The following RAPGEF1 variants were observed in gnomAD, a reference collection of about 807,000 sequenced individuals.
RAPGEF1 encodes CRK SH3-binding GNRP.
A neutral mutation model predicts 143.3 loss-of-function variants in RAPGEF1; 33 were observed. The observed-to-expected ratio is 0.23, with a 90% CI of 0.17 to 0.31. RAPGEF1 has a LOEUF of 0.31. RAPGEF1 is among the 10% of genes least tolerant of loss of function. RAPGEF1 has a pLI of 1.00. For synonymous variants in RAPGEF1, 629 were observed against 676.5 expected (o/e 0.93, Z 1.09); for missense variants, 1,199 against 1,645.4 (o/e 0.73, Z 4.69).
chr9:131,617,595 A>G (rs560448090), intron 12 of RAPGEF1, among the ~76,000 whole-genome samples: 1 of 152,222 alleles, frequency 6.6e-6, no homozygotes, highest in East Asian at 1.9e-4. Flanking sequence ...GTTAACTCTC[A>G]TGTGTAAAGT....
At chr9:131,725,640 T>G (rs1044790422) in intron 1 of RAPGEF1, among the ~76,000 whole-genome samples, 1 of 152,130 alleles carries the variant, frequency 6.6e-6, no homozygotes, top group African/African-American at 2.4e-5. Flanking sequence ...GTAGTTTTGA[T>G]TTGCACTTCC....
rs1170712423 is a variant in RAPGEF1, at chr9:131,605,128, G to C, written c.2122C>G (p.Pro708Ala). 3 of 1,363,594 alleles carry C rather than the reference G, an allele frequency of 2.2e-6. No homozygotes were observed. The highest frequency in any genetic ancestry group is 2.9e-6 in the Non-Finnish European group (3 of 1,020,456). 84.5% of individuals were successfully genotyped at this position (1,363,594 alleles called of 1,614,324 possible). ...GAGGAGGTAGGCGGAAGGAAAGGCG[G>C]AACGGAAGCTTGGTGGTGAGGCACG... ...DFVPHHQASV[P>A]PFLPPTSSSS... Residue 708 changes from proline to alanine, a missense_variant, in exon 13 of 27, where the codon CCG becomes GCG. Physicochemically the swap from Pro to Ala is conservative, Grantham distance 27 (BLOSUM62 -1). Around this residue, in one of 6 missense-constraint regions of RAPGEF1, gnomAD observed 293 missense variants for 356.2 expected, o/e 0.82. Transcript: ENST00000683357.
intron 1 of RAPGEF1, among the ~76,000 whole-genome samples, chr9:131,658,096 C>G (rs958672028): frequency 5.3e-5 from 8 of 152,346 alleles, no homozygotes; most frequent in African/African-American, 1.7e-4. Flanking sequence ...ATAAACAATG[C>G]TGCTCATACA....
intron 12 of RAPGEF1, among the ~76,000 whole-genome samples, chr9:131,608,489 C>T (rs977341576): frequency 6.6e-6 from 1 of 152,126 alleles, no homozygotes; most frequent in Non-Finnish European, 1.5e-5. Context: ...GGTCCAGACA[C>T]TGGGGAGGGA....
At chr9:131,666,859 C>T (rs1044075291) in intron 1 of RAPGEF1, among the ~76,000 whole-genome samples, 2 of 152,324 alleles carry the variant, frequency 1.3e-5, no homozygotes, top group South Asian at 2.1e-4. Context: ...CTGGACTAGA[C>T]GCACAGCCTG....
Position 131,641,844 on chromosome 9 carries a change from C to T in RAPGEF1, c.494+1395G>A, listed in dbSNP as rs1310357668. On this transcript the variant is annotated intron_variant, in intron 4 of 26. Transcript: ENST00000683357. This position sits in a 1 kb window ranked among gnomAD's most constrained non-coding sequence, Gnocchi z 4.6. ...TGGCCAAAAGACCACAGTCTCCACG[C>T]GTCAGCTGAAACTCCAGGGAGGAAG... is the stretch of plus-strand genomic sequence containing the variant. 1.3e-5 allele frequency among the ~76,000 whole-genome samples: 2 copies of T among 152,182 alleles called. No individual in the cohort carries two copies. Among genetic ancestry groups the T allele is most frequent in the Admixed American group, 6.5e-5 (1 of 15,280 alleles).
intron 1 of RAPGEF1, among the ~76,000 whole-genome samples, chr9:131,703,799 A>C (rs1033424616): frequency 1.3e-5 from 2 of 152,242 alleles, no homozygotes; most frequent in African/African-American, 4.8e-5. Flanking sequence ...GCTGATGGTC[A>C]TTGATGCACA....
chr9:131,637,288 C>T (rs962101729), intron 5 of RAPGEF1, among the ~76,000 whole-genome samples: 1 of 151,872 alleles, frequency 6.6e-6, no homozygotes, highest in East Asian at 1.9e-4. Context: ...GTCATCTAGG[C>T]AAGCCCCTTT....
intron 1 of RAPGEF1, among the ~76,000 whole-genome samples, 175 bp downstream of exon 1, chr9:131,739,595 A>T (rs1029714321): frequency 2.4e-4 from 35 of 147,648 alleles, no homozygotes; most frequent in Admixed American, 1.8e-3. Flanking sequence ...CGCGCCCGGC[A>T]GGCAATGGGC....
chr9:131,619,956 G>A (rs1299856919), intron 11 of RAPGEF1, among the ~76,000 whole-genome samples: 3 of 152,180 alleles, frequency 2.0e-5, no homozygotes, highest in African/African-American at 4.8e-5. Flanking sequence ...TGTGGGCTTG[G>A]ATTAAGGTTC....
intron 1 of RAPGEF1, among the ~76,000 whole-genome samples, chr9:131,723,437 C>T (rs1434596961): frequency 6.6e-6 from 1 of 152,210 alleles, no homozygotes; most frequent in Non-Finnish European, 1.5e-5. Context: ...CCATTCCTCC[C>T]TCCTTCCAGC....
At chr9:131,580,196 G>T (rs892613867) in intron 26 of RAPGEF1, 67 bp downstream of exon 26, 148 of 1,585,930 alleles carry the variant, frequency 9.3e-5, no homozygotes, top group Admixed American at 3.2e-4. Flanking sequence ...GGTGTCCCGG[G>T]CTGTCTCTCC....
intron 1 of RAPGEF1, among the ~76,000 whole-genome samples, chr9:131,664,216 C>T (rs549807082): frequency 3.9e-5 from 6 of 152,248 alleles, no homozygotes; most frequent in East Asian, 3.9e-4. Context: ...AGAATCACCC[C>T]GTACCTTCCC....
chr9:131,643,749 G>A (rs1321840693), intron 3 of RAPGEF1, among the ~76,000 whole-genome samples: 1 of 152,166 alleles, frequency 6.6e-6, no homozygotes, highest in African/African-American at 2.4e-5. Context: ...CTAGAGTGAG[G>A]ACTAATTTGC....
At position 131,739,791 on chromosome 9, in the gene RAPGEF1, A is replaced by C; in HGVS notation, c.40T>G (p.Ser14Ala). ...GLGLRRSPEMSGKIEKADSQR... is the reference protein window; with the variant it reads ...GLGLRRSPEMAGKIEKADSQR... ...TCACCTGCTTTCTCGATCTTGCCGG[A>C]CATTTCCGGGCTGCGCCGGAGGCCG... Residue 14 changes from serine to alanine, a missense_variant, in exon 1 of 27, where the codon TCC becomes GCC. By Grantham distance (99) the Ser-to-Ala change is moderately conservative (BLOSUM62 1). Around this residue, in one of 6 missense-constraint regions of RAPGEF1, gnomAD observed 613 missense variants for 710.9 expected, o/e 0.86. Transcript: ENST00000683357. The C allele has an allele frequency of 8.5e-7, 1 of 1,171,362 alleles. No individual in the cohort carries two copies. The highest frequency in any genetic ancestry group is 1.7e-5 in the South Asian group (1 of 57,172). The allele number at this position is 1,171,362 out of a possible 1,614,324, so 72.6% of individuals were successfully genotyped here.
intron 12 of RAPGEF1, among the ~76,000 whole-genome samples, chr9:131,612,388 A>C (rs1564522497): frequency 6.6e-6 from 1 of 152,080 alleles, no homozygotes; most frequent in East Asian, 1.9e-4. Flanking sequence ...GTAAACAATA[A>C]AGATTCTCAA....
In RAPGEF1 at chr9:131,578,534, G is replaced by A; in HGVS notation, c.*963C>T. ...GGCCCAGGATGGGGCAAGGAGGGAG[G>A]GAAAGCCAGGGGATGGGGAGGGACA... is the stretch of plus-strand genomic sequence containing the variant. On this transcript the variant is annotated 3_prime_UTR_variant, in exon 27 of 27. Coordinates refer to ENST00000683357, the MANE Select transcript of RAPGEF1 (RefSeq NM_001377935.1). 6.5e-6 allele frequency: 1 copy of A among 152,744 alleles called. No homozygotes were observed. Among genetic ancestry groups the A allele is most frequent in the Non-Finnish European group, 1.5e-5 (1 of 68,294 alleles). The allele number at this position is 152,744 out of a possible 1,614,324, so 9.5% of individuals were successfully genotyped here.
At chr9:131,640,312 C>A (rs774806614) in intron 4 of RAPGEF1, among the ~76,000 whole-genome samples, 23 of 152,180 alleles carry the variant, frequency 1.5e-4, no homozygotes, top group Non-Finnish European at 3.1e-4. Flanking sequence ...GAGGATTCCA[C>A]CGGAGAAAGC....
chr9:131,630,726 G>A (rs1410933848), intron 5 of RAPGEF1, among the ~76,000 whole-genome samples: 2 of 152,192 alleles, frequency 1.3e-5, no homozygotes, highest in East Asian at 3.8e-4. Context: ...TGGCATGGGT[G>A]GTTTCCCAAG....
Sources: gnomAD v4.1 joint callset for allele counts (sites outside exome capture counted in the v4.1 genomes callset) on GRCh38, gnomAD v4.1.1 for gene constraint, gnomAD v4.1.1 regional missense constraint, Gnocchi (gnomAD v3.1) non-coding constraint, MANE v1.5 for transcripts, NCBI Gene and HGNC (gene_info 2026-07-23, HGNC 2026-07-21) for gene names.